The following PPP2R3A variants were observed in gnomAD, a reference collection of about 807,000 sequenced individuals.
The protein encoded by PPP2R3A is serine/threonine-protein phosphatase 2A regulatory subunit B'' subunit alpha.
Under a neutral mutation model 106.9 loss-of-function variants are expected in PPP2R3A, and 80 were observed. The observed-to-expected ratio is 0.75, with a 90% CI of 0.62 to 0.90. The LOEUF is 0.90. PPP2R3A is among the 40% of genes least tolerant of loss of function. The pLI is 0.00. For missense variants in PPP2R3A, 1,386 were observed against 1,350.4 expected (o/e 1.03, Z -0.41); for synonymous variants, 483 against 468.3 (o/e 1.03, Z -0.41).
At chr3:136,130,692 G>C (rs922307375) in intron 13 of PPP2R3A, among the ~76,000 whole-genome samples, 2 of 152,160 alleles carry the variant, frequency 1.3e-5, no homozygotes, top group African/African-American at 4.8e-5. Context: ...AAAAGAGCCT[G>C]CATTGCCAAG....
At chr3:136,052,381 C>T (rs974767829) in intron 5 of PPP2R3A, among the ~76,000 whole-genome samples, 1 of 152,170 alleles carries the variant, frequency 6.6e-6, no homozygotes, top group Non-Finnish European at 1.5e-5. Flanking sequence ...TACAATACAG[C>T]TTCTGCTGGA....
At chr3:136,087,992 AT>A in intron 9 of PPP2R3A, 61 bp downstream of exon 9, 1 of 1,358,652 alleles carries the variant, frequency 7.4e-7, no homozygotes, top group South Asian at 1.2e-5. Context: ...TAACCATCTC[AT>A]TTTAGCAAAG....
intron 13 of PPP2R3A, among the ~76,000 whole-genome samples, chr3:136,126,434 C>T (rs1469919782): frequency 6.6e-6 from 1 of 152,184 alleles, no homozygotes; most frequent in African/African-American, 2.4e-5. Context: ...ATCCGCCATT[C>T]CTGAGGCTTG....
intron 5 of PPP2R3A, 78 bp downstream of exon 5, chr3:136,049,439 A>G: frequency 2.0e-6 from 2 of 1,022,078 alleles, no homozygotes; most frequent in Non-Finnish European, 1.5e-6. Flanking sequence ...CAACTATAAC[A>G]TGTCAATTGA....
chr3:136,037,539 A>C (rs755195665), intron 3 of PPP2R3A, among the ~76,000 whole-genome samples: 1 of 152,232 alleles, frequency 6.6e-6, no homozygotes, highest in Non-Finnish European at 1.5e-5. Context: ...TCTGGCTGAC[A>C]TAGCACCATC....
chr3:136,022,534 C>G (rs941419137), intron 2 of PPP2R3A, among the ~76,000 whole-genome samples: 1 of 151,740 alleles, frequency 6.6e-6, no homozygotes, highest in East Asian at 1.9e-4. Context: ...GTAGCCTGTT[C>G]TTTTTTTTAT....
rs1187658449 is a variant in PPP2R3A at position 136,146,116 on chromosome 3, T to C, written c.*950T>C. 1 of 152,184 alleles carries C rather than the reference T, an allele frequency of 6.6e-6. No homozygotes were observed. The highest frequency in any genetic ancestry group is 1.5e-5 in the Non-Finnish European group (1 of 68,032). 9.4% of individuals were successfully genotyped at this position (152,184 alleles called of 1,614,324 possible). On this transcript the variant is annotated 3_prime_UTR_variant, in exon 14 of 14. Transcript: ENST00000264977. Reference sequence around the variant, plus strand: ...CCTCAACGTTATTCTTTACTTCATGTTGAAAACAATTACTACAGATATTTC... The same window carrying C: ...CCTCAACGTTATTCTTTACTTCATGCTGAAAACAATTACTACAGATATTTC...
intron 2 of PPP2R3A, chr3:136,023,237 G>A: frequency 1.9e-6 from 3 of 1,557,710 alleles, no homozygotes; most frequent in South Asian, 1.2e-5. Context: ...GTTTTGTTTT[G>A]TTTTGTTTTG....
intron 1 of PPP2R3A, among the ~76,000 whole-genome samples, chr3:135,970,033 C>T (rs895555062): frequency 6.6e-6 from 1 of 152,206 alleles, no homozygotes; most frequent in Non-Finnish European, 1.5e-5. Flanking sequence ...ATCTTGGTTG[C>T]ACATTGGAAT....
At chr3:136,079,327 C>G in intron 7 of PPP2R3A, 1 of 269,898 alleles carries the variant, frequency 3.7e-6, no homozygotes, top group East Asian at 8.8e-5. Context: ...CATAATACCT[C>G]AAGAGTAATG....
chr3:136,143,763 C>T (rs886604000), intron 13 of PPP2R3A, among the ~76,000 whole-genome samples: 1 of 152,162 alleles, frequency 6.6e-6, no homozygotes, highest in Non-Finnish European at 1.5e-5. Flanking sequence ...TGTACTCCAG[C>T]CTGGGCGACA....
At chr3:136,092,625 A>G (rs191786462) in intron 10 of PPP2R3A, among the ~76,000 whole-genome samples, 1 of 152,352 alleles carries the variant, frequency 6.6e-6, no homozygotes, top group Admixed American at 6.5e-5. Flanking sequence ...ATATTTCACT[A>G]CAAAGTGAAA....
chr3:136,032,666 C>G (rs916128049), intron 3 of PPP2R3A, among the ~76,000 whole-genome samples: 4 of 151,968 alleles, frequency 2.6e-5, no homozygotes, highest in Admixed American at 1.3e-4. Context: ...TCCCAAGTAG[C>G]TGGGACTACA....
At chr3:136,042,168 A>G (rs369800542) in intron 4 of PPP2R3A, among the ~76,000 whole-genome samples, 1 of 152,354 alleles carries the variant, frequency 6.6e-6, no homozygotes, top group Admixed American at 6.5e-5. Context: ...GTAGGTGATT[A>G]ATAAATGTAT....
At chr3:136,076,292 C>T (rs746571197) in intron 6 of PPP2R3A, among the ~76,000 whole-genome samples, 1 of 151,662 alleles carries the variant, frequency 6.6e-6, no homozygotes, top group South Asian at 2.1e-4. Context: ...GCCCAATAGC[C>T]ACTCAGATCT....
chr3:136,037,771 T>TA (rs958880550), intron 3 of PPP2R3A, among the ~76,000 whole-genome samples: 32 of 152,340 alleles, frequency 2.1e-4, no homozygotes, highest in African/African-American at 7.5e-4. Context: ...TGCTTTGGAT[T>TA]ATTTGTTTTG....
chr3:136,006,573 A>G (rs1288215021), intron 2 of PPP2R3A, among the ~76,000 whole-genome samples: 1 of 152,212 alleles, frequency 6.6e-6, no homozygotes, highest in African/African-American at 2.4e-5. Flanking sequence ...CTTAGCTCCA[A>G]GACTTAGAAA....
At chr3:136,110,893 C>A (rs1467376766) in intron 13 of PPP2R3A, among the ~76,000 whole-genome samples, 1 of 151,970 alleles carries the variant, frequency 6.6e-6, no homozygotes, top group African/African-American at 2.4e-5. Context: ...GTCTGAAGAT[C>A]TACCAGAAAG....
intron 1 of PPP2R3A, among the ~76,000 whole-genome samples, chr3:135,975,404 G>A (rs75991194): frequency 0.023 from 3,538 of 152,224 alleles, 156 homozygotes; most frequent in African/African-American, 0.079. Flanking sequence ...GTGGGTTCAT[G>A]TTATTAAAAT....
Sources: gnomAD v4.1 joint callset for allele counts (sites outside exome capture counted in the v4.1 genomes callset) on GRCh38, gnomAD v4.1.1 for gene constraint, MANE v1.5 for transcripts, NCBI Gene and HGNC (gene_info 2026-07-23, HGNC 2026-07-21) for gene names.